The following MTHFD1L variants were observed in gnomAD, a reference collection of about 807,000 sequenced individuals.
MTHFD1L encodes the protein methylenetetrahydrofolate dehydrogenase (NADP+ dependent) 1 like, also known as monofunctional C1-tetrahydrofolate synthase, mitochondrial.
Under a neutral mutation model 119.5 loss-of-function variants are expected in MTHFD1L, and 81 were observed. The observed-to-expected ratio is 0.68, with a 90% CI of 0.57 to 0.82. MTHFD1L has a LOEUF of 0.82. Ranked by LOEUF, MTHFD1L falls within the 40% of genes least tolerant of loss-of-function variation. The probability of loss-of-function intolerance (pLI) is 0.00; values close to 1 mark genes in which losing one functional copy is unlikely to be tolerated. For missense variants in MTHFD1L, 1,125 were observed against 1,253.4 expected (o/e 0.90, Z 1.55); for synonymous variants, 430 against 475.2 (o/e 0.90, Z 1.24).
chr6:151,088,703 C>T (rs1210500210), intron 26 of MTHFD1L, among the ~76,000 whole-genome samples: 3 of 151,292 alleles, frequency 2.0e-5, no homozygotes, highest in African/African-American at 4.9e-5. Flanking sequence ...GTGATCCGCC[C>T]GCCTCGGCCT....
At chr6:150,882,108 T>G (rs186507434) in intron 4 of MTHFD1L, among the ~76,000 whole-genome samples, 1 of 152,328 alleles carries the variant, frequency 6.6e-6, no homozygotes, top group East Asian at 1.9e-4. Context: ...ACCCAGACAT[T>G]TATTAGCTTC....
At chr6:150,879,633 T>TG (rs1177133162) in intron 4 of MTHFD1L, among the ~76,000 whole-genome samples, 2 of 147,938 alleles carry the variant, frequency 1.4e-5, no homozygotes, top group Admixed American at 1.3e-4. Context: ...TGTTTTTTTT[T>TG]TTTTTTTTTT....
chr6:150,976,058 G>A (rs528938003), intron 20 of MTHFD1L, among the ~76,000 whole-genome samples: 16 of 152,192 alleles, frequency 1.1e-4, no homozygotes, highest in Non-Finnish European at 2.1e-4. Context: ...AAATTTAGCG[G>A]GGCTTGGTGG....
At chr6:151,042,131 A>G in intron 26 of MTHFD1L, 1 of 221,042 alleles carries the variant, frequency 4.5e-6, no homozygotes, top group South Asian at 6.3e-5. Context: ...CAGCACAAGC[A>G]TTCCCAGCTC....
intron 18 of MTHFD1L, among the ~76,000 whole-genome samples, chr6:150,961,771 T>C (rs1245579243): frequency 6.6e-6 from 1 of 152,206 alleles, no homozygotes; most frequent in East Asian, 1.9e-4. Flanking sequence ...ATACTTAGTA[T>C]AAAAATTGAA....
chr6:151,069,251 T>TTCTCTCTCTCTC lies in MTHFD1L; in HGVS notation c.2848-23197_2848-23186dup, dbSNP rs371324778. 5.3e-3 allele frequency among the ~76,000 whole-genome samples: 723 copies of TTCTCTCTCTCTC among 136,644 alleles called. 9 individuals are homozygous for TTCTCTCTCTCTC. Among genetic ancestry groups the TTCTCTCTCTCTC allele is most frequent in the South Asian group, 0.022 (90 of 4,048 alleles). The allele number at this position is 136,644 out of a possible 152,430, so 89.6% of individuals were successfully genotyped here. ...AGGCCCAAAACTATCTTCTCTCTCTTTCTCTCTCTCTCTCTCTCTCTCTCT... is the reference window on the plus strand; with the variant it reads ...AGGCCCAAAACTATCTTCTCTCTCTTTCTCTCTCTCTCTCTCTCTCTCTCTCTCTCTCTCTCT... On this transcript the variant is annotated intron_variant, in intron 26 of 27. Transcript: ENST00000367321.
In MTHFD1L at chr6:151,001,568, A is replaced by G. The variant is rs181224748; in HGVS notation, c.2126-8251A>G. ...CCAGGCTAGAGCATTGGGGTCACTCATTTCCCATCCAGCGAAGGGAGAGCT... is the reference window on the plus strand; with the variant it reads ...CCAGGCTAGAGCATTGGGGTCACTCGTTTCCCATCCAGCGAAGGGAGAGCT... On this transcript the variant is annotated intron_variant, in intron 20 of 27. Transcript: ENST00000367321. Among the ~76,000 whole-genome samples the G allele has an allele frequency of 3.0e-4, 46 of 152,302 alleles. No homozygotes were observed. The Middle Eastern group carries it at 0.014, about 45-fold the overall frequency.
At chr6:151,033,736 C>T in intron 24 of MTHFD1L, among the ~76,000 whole-genome samples, 1 of 152,100 alleles carries the variant, frequency 6.6e-6, no homozygotes, top group Non-Finnish European at 1.5e-5. Context: ...ATCACATCAG[C>T]ATTTATGTTA....
chr6:151,043,002 G>A (rs1018570318), intron 26 of MTHFD1L, among the ~76,000 whole-genome samples: 2 of 152,158 alleles, frequency 1.3e-5, no homozygotes, highest in African/African-American at 4.8e-5. Flanking sequence ...TCACCTGGCC[G>A]GTCCTGGCTG....
At chr6:151,075,313 C>T (rs934372198) in intron 26 of MTHFD1L, among the ~76,000 whole-genome samples, 3 of 151,864 alleles carry the variant, frequency 2.0e-5, no homozygotes, top group African/African-American at 4.8e-5. Context: ...GATGGAAAAG[C>T]GCTAATACTA....
At chr6:151,016,767 C>CTTT (rs1783125569) in intron 24 of MTHFD1L, 3 of 300,404 alleles carry the variant, frequency 1.0e-5, no homozygotes, top group African/African-American at 6.1e-5. Context: ...ACTATCTTAG[C>CTTT]CTTTTTTTTT....
At chr6:150,918,007 G>T (rs1487874489) in intron 8 of MTHFD1L, among the ~76,000 whole-genome samples, 1 of 151,198 alleles carries the variant, frequency 6.6e-6, no homozygotes, top group Non-Finnish European at 1.5e-5. Context: ...GAAAGCACAT[G>T]ATGTGCTTCA....
chr6:150,905,730 T>G lies in MTHFD1L; in HGVS notation c.861T>G (p.Thr287=). The G allele has an allele frequency of 6.2e-7, 1 of 1,614,110 alleles. No individual in the cohort carries two copies. The highest frequency in any genetic ancestry group is 8.5e-7 in the Non-Finnish European group (1 of 1,179,938). ...IPLTWIQPGT[T]VLNCSHDFLS... ...TTACTTGGATACAACCAGGAACTAC[T>G]GTTCTCAACTGCTCCCATGACTTCC... Residue 287 remains threonine, a synonymous_variant, in exon 8 of 28, where the codon ACT becomes ACG. Coordinates refer to ENST00000367321, the MANE Select transcript of MTHFD1L (RefSeq NM_015440.5).
intron 20 of MTHFD1L, among the ~76,000 whole-genome samples, chr6:150,973,825 C>T (rs778710610): frequency 2.0e-5 from 3 of 152,126 alleles, no homozygotes; most frequent in East Asian, 1.9e-4. Context: ...GATGTGTAGC[C>T]GTGGACTCAG....
intron 17 of MTHFD1L, among the ~76,000 whole-genome samples, chr6:150,958,793 C>T (rs1168585237): frequency 6.6e-6 from 1 of 152,148 alleles, no homozygotes; most frequent in Non-Finnish European, 1.5e-5. Context: ...AAATGAGCAG[C>T]CTTCCGCTAT....
At chr6:151,044,640 C>G (rs569409967) in intron 26 of MTHFD1L, among the ~76,000 whole-genome samples, 148 of 152,240 alleles carry the variant, frequency 9.7e-4, no homozygotes, top group African/African-American at 3.4e-3. Flanking sequence ...TTGGCCTGGG[C>G]TGTACCTATC....
intron 26 of MTHFD1L, among the ~76,000 whole-genome samples, chr6:151,070,381 C>T (rs975478838): frequency 3.9e-5 from 6 of 152,206 alleles, no homozygotes; most frequent in Non-Finnish European, 5.9e-5. Flanking sequence ...TAGATTCGGA[C>T]ACCATCACCA....
intron 21 of MTHFD1L, among the ~76,000 whole-genome samples, chr6:151,013,206 C>G (rs533984999): frequency 2.4e-4 from 36 of 152,186 alleles, no homozygotes; most frequent in Non-Finnish European, 4.9e-4. Flanking sequence ...ATAGCAAGAC[C>G]TCGTCTCTAC....
chr6:151,091,648 T>G (rs1794459468), intron 26 of MTHFD1L, among the ~76,000 whole-genome samples: 1 of 152,154 alleles, frequency 6.6e-6, no homozygotes, highest in South Asian at 2.1e-4. Context: ...AGTACCTACC[T>G]CATTAGGGTG....
Sources: gnomAD v4.1 joint callset for allele counts (sites outside exome capture counted in the v4.1 genomes callset) on GRCh38, gnomAD v4.1.1 for gene constraint, MANE v1.5 for transcripts, NCBI Gene and HGNC (gene_info 2026-07-23, HGNC 2026-07-21) for gene names.